Variants in SH3GL2 observed in about 807,000 individuals in gnomAD.
SH3GL2 encodes SH3 domain containing GRB2 like 2, endophilin A1.
SH3GL2 carries 24 observed loss-of-function variants against 46.0 expected under a neutral mutation model. The ratio of observed to expected loss-of-function variants is 0.52; its 90% CI spans 0.38 to 0.73. The LOEUF is 0.73. Ranked by LOEUF, SH3GL2 falls within the 30% of genes least tolerant of loss-of-function variation. The pLI, the probability that SH3GL2 is intolerant of heterozygous loss-of-function variation, is 0.00. For missense variants in SH3GL2, 413 were observed against 424.2 expected (o/e 0.97, Z 0.23); for synonymous variants, 196 against 147.1 (o/e 1.33, Z -2.40).
At chr9:17,753,551 T>C (rs1458427351) in intron 2 of SH3GL2, among the ~76,000 whole-genome samples, 1 of 152,220 alleles carries the variant, frequency 6.6e-6, no homozygotes, top group Non-Finnish European at 1.5e-5. Context: ...TTTCTTTAAG[T>C]TCCTTATAGA....
chr9:17,637,795 T>C (rs529407485), intron 1 of SH3GL2, among the ~76,000 whole-genome samples: 1 of 152,218 alleles, frequency 6.6e-6, no homozygotes, highest in Non-Finnish European at 1.5e-5. Flanking sequence ...CATAATGTCA[T>C]GATTACTGAT....
At chr9:17,698,781 G>C (rs929862187) in intron 1 of SH3GL2, among the ~76,000 whole-genome samples, 1 of 152,146 alleles carries the variant, frequency 6.6e-6, no homozygotes, top group African/African-American at 2.4e-5. Flanking sequence ...TTCTAACCTT[G>C]AAGGGAAGTA....
intron 1 of SH3GL2, among the ~76,000 whole-genome samples, chr9:17,629,408 T>C (rs1157267683): frequency 6.6e-6 from 1 of 152,222 alleles, no homozygotes; most frequent in African/African-American, 2.4e-5. Flanking sequence ...CTGAAATACT[T>C]ATTGAATGAA....
At chr9:17,724,116 G>T (rs908768266) in intron 1 of SH3GL2, among the ~76,000 whole-genome samples, 16 of 151,862 alleles carry the variant, frequency 1.1e-4, no homozygotes, top group African/African-American at 3.9e-4. Context: ...TTTTGATTAT[G>T]TGTTGGTTTG....
chr9:17,652,183 G>A (rs1819973913), intron 1 of SH3GL2, among the ~76,000 whole-genome samples: 1 of 151,890 alleles, frequency 6.6e-6, no homozygotes, highest in Non-Finnish European at 1.5e-5. Context: ...TCTATTGAAG[G>A]CATTTAAAGC....
At chr9:17,790,669 A>G (rs1413380595) in intron 6 of SH3GL2, among the ~76,000 whole-genome samples, 5 of 152,308 alleles carry the variant, frequency 3.3e-5, no homozygotes, top group East Asian at 1.9e-4. Flanking sequence ...CATAAAATCA[A>G]GAGAAATCAA....
chr9:17,659,468 C>G (rs190370608), intron 1 of SH3GL2, among the ~76,000 whole-genome samples: 3 of 152,000 alleles, frequency 2.0e-5, no homozygotes. Context: ...TGTGTTTTCT[C>G]ACGCCATTGT....
intron 1 of SH3GL2, among the ~76,000 whole-genome samples, chr9:17,693,235 A>G (rs539795669): frequency 7.9e-5 from 12 of 152,300 alleles, no homozygotes; most frequent in Admixed American, 4.6e-4. Context: ...ATGTTTGGAC[A>G]CATGGATCAG....
At chr9:17,705,059 AC>A (rs965417404) in intron 1 of SH3GL2, among the ~76,000 whole-genome samples, 20 of 150,326 alleles carry the variant, frequency 1.3e-4, no homozygotes, top group African/African-American at 3.5e-4. Context: ...ACAAAAAAAA[AC>A]CCCATTAAAA....
At chr9:17,723,196 C>T (rs1413244247) in intron 1 of SH3GL2, among the ~76,000 whole-genome samples, 1 of 152,126 alleles carries the variant, frequency 6.6e-6, no homozygotes, top group Non-Finnish European at 1.5e-5. Flanking sequence ...GTCACATTCT[C>T]ACCTTAAGTA....
intron 1 of SH3GL2, among the ~76,000 whole-genome samples, chr9:17,707,552 T>C (rs1352506031): frequency 1.3e-5 from 2 of 152,124 alleles, no homozygotes; most frequent in African/African-American, 2.4e-5. Context: ...AACTGTGCTG[T>C]ACTAACTTTG....
chr9:17,691,676 G>C (rs1041061213), intron 1 of SH3GL2, among the ~76,000 whole-genome samples: 1 of 152,078 alleles, frequency 6.6e-6, no homozygotes, highest in Non-Finnish European at 1.5e-5. Flanking sequence ...GATGGGATTT[G>C]CAGTCAGAGA....
intron 6 of SH3GL2, chr9:17,790,505 A>G (rs552890649): frequency 3.1e-6 from 2 of 641,154 alleles, no homozygotes; most frequent in African/African-American, 2.0e-5. Flanking sequence ...GTGTCCACCT[A>G]ACTCCTCGAG....
chr9:17,677,009 C>G (rs967937537), intron 1 of SH3GL2, among the ~76,000 whole-genome samples: 6 of 152,264 alleles, frequency 3.9e-5, no homozygotes, highest in Admixed American at 3.9e-4. Context: ...AGAACTAGGT[C>G]TGCTCAGAGG....
intron 1 of SH3GL2, among the ~76,000 whole-genome samples, chr9:17,620,320 C>T (rs1268657281): frequency 3.3e-5 from 5 of 152,128 alleles, no homozygotes; most frequent in African/African-American, 9.7e-5. Context: ...CACTGGGTAT[C>T]CAGTGAGGAA....
At chr9:17,679,525 T>G (rs2118030227) in intron 1 of SH3GL2, among the ~76,000 whole-genome samples, 1 of 152,318 alleles carries the variant, frequency 6.6e-6, no homozygotes, top group Admixed American at 6.5e-5. Context: ...AAGGAGATTT[T>G]GGGCTGAGGC....
intron 1 of SH3GL2, among the ~76,000 whole-genome samples, chr9:17,688,197 C>T (rs1047793109): frequency 4.6e-5 from 7 of 152,030 alleles, no homozygotes; most frequent in African/African-American, 1.4e-4. Context: ...CTGGTTCTAA[C>T]CATTGAGTTC....
chr9:17,659,821 C>G (rs1328311883), intron 1 of SH3GL2, among the ~76,000 whole-genome samples: 2 of 152,186 alleles, frequency 1.3e-5, no homozygotes, highest in African/African-American at 2.4e-5. Flanking sequence ...TTAAGACTCA[C>G]TGCTTGAGAG....
chr9:17,706,584 G>A (rs955367984), intron 1 of SH3GL2, among the ~76,000 whole-genome samples: 1 of 151,990 alleles, frequency 6.6e-6, no homozygotes, highest in Non-Finnish European at 1.5e-5. Flanking sequence ...AATGTTGTAC[G>A]TGTAATCTTT....
Sources: allele counts gnomAD v4.1 joint callset (sites outside exome capture counted in the v4.1 genomes callset), GRCh38; gene constraint gnomAD v4.1.1; transcripts MANE v1.5; gene names NCBI Gene and HGNC (gene_info 2026-07-23, HGNC 2026-07-21).